Variants in KIAA1755 observed in about 807,000 individuals in gnomAD.
The protein encoded by KIAA1755 is KIAA1755, also known as uncharacterized protein KIAA1755.
Under a neutral mutation model 91.7 loss-of-function variants are expected in KIAA1755, and 68 were observed. The observed-to-expected ratio is 0.74, with a 90% CI of 0.61 to 0.91. KIAA1755 has a LOEUF of 0.91. Ranked by LOEUF, KIAA1755 falls within the 40% of genes least tolerant of loss-of-function variation. The probability of loss-of-function intolerance (pLI) is 0.00; values close to 1 mark genes in which losing one functional copy is unlikely to be tolerated. For missense variants in KIAA1755, 1,535 were observed against 1,494.4 expected (o/e 1.03, Z -0.45); for synonymous variants, 610 against 604.6 (o/e 1.01, Z -0.13).
At chr20:38,240,520 C>T in intron 3 of KIAA1755, 62 bp downstream of exon 3, 4 of 1,420,668 alleles carry the variant, frequency 2.8e-6, no homozygotes. Flanking sequence ...CCAAAACCAC[C>T]TAAAATGTGA....
chr20:38,250,233 G>T (rs143559748), intron 1 of KIAA1755, among the ~76,000 whole-genome samples: 85 of 152,218 alleles, frequency 5.6e-4, no homozygotes, highest in African/African-American at 2.0e-3. Flanking sequence ...CAGACTGCCC[G>T]GGTTCAAACT....
chr20:38,249,864 C>A (rs2076217696), intron 1 of KIAA1755, among the ~76,000 whole-genome samples: 1 of 152,012 alleles, frequency 6.6e-6, no homozygotes, highest in Non-Finnish European at 1.5e-5. Flanking sequence ...TGGGAGCAGT[C>A]CCTTCCCCTG....
At chr20:38,257,503 C>A (rs1439848472) in intron 1 of KIAA1755, among the ~76,000 whole-genome samples, 1 of 151,046 alleles carries the variant, frequency 6.6e-6, no homozygotes, top group Non-Finnish European at 1.5e-5. Context: ...ATTGCTTAAA[C>A]CTGGGAGGCA....
chr20:38,256,835 T>G (rs1247844554), intron 1 of KIAA1755, among the ~76,000 whole-genome samples: 1 of 152,150 alleles, frequency 6.6e-6, no homozygotes, highest in Non-Finnish European at 1.5e-5. Flanking sequence ...TATTTATTAT[T>G]ATGTGTTTGT....
chr20:38,237,481 C>G (rs145865513), intron 4 of KIAA1755, among the ~76,000 whole-genome samples: 12 of 151,900 alleles, frequency 7.9e-5, no homozygotes, highest in African/African-American at 2.9e-4. Flanking sequence ...GGAAAGCAAG[C>G]GAGTGAGTGT....
chr20:38,245,777 C>T (rs565664663), intron 2 of KIAA1755, 152 bp downstream of exon 2: 9 of 671,988 alleles, frequency 1.3e-5, no homozygotes, highest in African/African-American at 1.3e-4. Flanking sequence ...ATGTCTCCCC[C>T]TGGGCAAGCA....
chr20:38,244,830 C>A (rs576780950), intron 2 of KIAA1755, among the ~76,000 whole-genome samples: 2 of 152,140 alleles, frequency 1.3e-5, no homozygotes, highest in East Asian at 1.9e-4. Flanking sequence ...TGCCTCCAAG[C>A]GATTCTCTTG....
chr20:38,260,450 C>A, intron 1 of KIAA1755, 48 bp downstream of exon 1: 1 of 1,528,050 alleles, frequency 6.5e-7, no homozygotes, highest in Non-Finnish European at 8.8e-7. Context: ...GAGGGCTGTG[C>A]CCACTGAAAG....
chr20:38,247,557 C>T (rs1214948320), intron 1 of KIAA1755, among the ~76,000 whole-genome samples: 1 of 152,214 alleles, frequency 6.6e-6, no homozygotes, highest in Non-Finnish European at 1.5e-5. Flanking sequence ...ACCCCTATTA[C>T]AGCGGTTCCC....
chr20:38,217,022 C>T lies in KIAA1755; in HGVS notation c.2901+231G>A, dbSNP rs759236846. On this transcript the variant is annotated intron_variant, in intron 13 of 13. Transcript: ENST00000279024. ...GTTACAAGACTTGGGGAGTGAATCA[C>T]GATGAGCCTCCGACTGTGTCTGGGT... 2.7e-5 allele frequency: 18 copies of T among 663,586 alleles called. 1 individual carries two copies. The highest frequency in any genetic ancestry group is 1.4e-4 in the African/African-American group (8 of 56,618). The allele number at this position is 663,586 out of a possible 1,614,324, so 41.1% of individuals were successfully genotyped here.
At position 38,241,830 on chromosome 20, in the gene KIAA1755, G is replaced by A. The variant is rs368015320; in HGVS notation, c.301C>T (p.Arg101Cys). Residue 101 changes from arginine (R) to cysteine (C), a missense_variant, in exon 3 of 14, where the codon CGC becomes TGC. Transcript: ENST00000279024. Reference sequence around the variant, plus strand: ...ACTTGGAGGTAGAAGTCACCCTGGCGCAATAAGAGAGGGTTGAGGGGTGCC... The same window carrying A: ...ACTTGGAGGTAGAAGTCACCCTGGCACAATAAGAGAGGGTTGAGGGGTGCC... The part of the protein sequence containing the change: ...HLAPLNPLLL[R>C]QGDFYLQVEP... 333 of 1,614,102 alleles carry A rather than the reference G, an allele frequency of 2.1e-4. 1 individual carries two copies. Among genetic ancestry groups the A allele is most frequent in the South Asian group, 7.8e-4 (71 of 91,086 alleles).
At chr20:38,223,436 A>C in intron 9 of KIAA1755, 102 bp downstream of exon 9, 1 of 740,512 alleles carries the variant, frequency 1.4e-6, no homozygotes, top group Non-Finnish European at 2.1e-6. Context: ...AACAGGAATA[A>C]TGTCCTCCCC....
intron 1 of KIAA1755, among the ~76,000 whole-genome samples, chr20:38,250,915 G>A (rs1322157347): frequency 1.3e-5 from 2 of 152,108 alleles, no homozygotes; most frequent in Non-Finnish European, 2.9e-5. Flanking sequence ...GGGTGGATCT[G>A]TGGCAATATT....
intron 4 of KIAA1755, among the ~76,000 whole-genome samples, chr20:38,236,388 G>C (rs1421056019): frequency 1.3e-5 from 2 of 152,200 alleles, no homozygotes; most frequent in South Asian, 2.1e-4. Context: ...AGCCTGGAGA[G>C]AGCATTTACA....
At chr20:38,251,912 T>A (rs920013319) in intron 1 of KIAA1755, among the ~76,000 whole-genome samples, 4 of 152,046 alleles carry the variant, frequency 2.6e-5, no homozygotes, top group Admixed American at 2.6e-4. Flanking sequence ...ATAAACAAAT[T>A]TAAAGGGCAC....
intron 8 of KIAA1755, among the ~76,000 whole-genome samples, chr20:38,224,594 G>A (rs2075721985): frequency 6.6e-6 from 1 of 152,218 alleles, no homozygotes; most frequent in Non-Finnish European, 1.5e-5. Context: ...GTCATAATTT[G>A]TGGGGTGCAA....
chr20:38,219,919 A>C, intron 10 of KIAA1755, 151 bp from the exon 11 acceptor site: 2 of 961,250 alleles, frequency 2.1e-6, no homozygotes, highest in South Asian at 3.2e-5. Flanking sequence ...CCCTTCACCA[A>C]GGGCCTCAGC....
chr20:38,247,318 A>G (rs1038135495), intron 1 of KIAA1755, among the ~76,000 whole-genome samples: 4 of 144,052 alleles, frequency 2.8e-5, no homozygotes, highest in African/African-American at 1.0e-4. Flanking sequence ...CAGCCTCGCC[A>G]CCCCTCTCCA....
chr20:38,234,291 G>A (rs55650561), intron 4 of KIAA1755, among the ~76,000 whole-genome samples: 11,414 of 152,058 alleles, frequency 0.075, 622 homozygotes, highest in Non-Finnish European at 0.11. Context: ...CCCCCTCATC[G>A]CTCAAAGACT....
Sources: gnomAD v4.1 joint callset for allele counts (sites outside exome capture counted in the v4.1 genomes callset) on GRCh38, gnomAD v4.1.1 for gene constraint, MANE v1.5 for transcripts, NCBI Gene and HGNC (gene_info 2026-07-23, HGNC 2026-07-21) for gene names.